MAPK10: variants seen among roughly 807,000 people sequenced by gnomAD.
MAPK10 encodes the protein mitogen-activated protein kinase 10.
Under a neutral mutation model 59.3 loss-of-function variants are expected in MAPK10, and 25 were observed. That is an observed-to-expected ratio of 0.42 (90% CI 0.31 to 0.59). The LOEUF (loss-of-function observed/expected upper bound fraction) is 0.59, where lower values mean the gene tolerates loss of function less well. MAPK10 is among the 20% of genes least tolerant of loss of function. The probability of loss-of-function intolerance (pLI) is 0.15; values close to 1 mark genes in which losing one functional copy is unlikely to be tolerated. For missense variants in MAPK10, 351 were observed against 568.9 expected (o/e 0.62, Z 3.90); for synonymous variants, 190 against 200.5 (o/e 0.95, Z 0.44).
At chr4:86,473,045 A>G (rs192090720) in intron 1 of MAPK10, among the ~76,000 whole-genome samples, 30 of 152,338 alleles carry the variant, frequency 2.0e-4, no homozygotes, top group Non-Finnish European at 3.8e-4. Context: ...TCAAGACTCC[A>G]AGAACCTGGA....
At chr4:86,593,152 C>G (rs1763211445) in intron 1 of MAPK10, among the ~76,000 whole-genome samples, 1 of 152,120 alleles carries the variant, frequency 6.6e-6, no homozygotes, top group Non-Finnish European at 1.5e-5. Context: ...ACTATTAATT[C>G]CCTCATTCAT....
intron 1 of MAPK10, among the ~76,000 whole-genome samples, chr4:86,491,276 C>T (rs937375993): frequency 3.9e-5 from 6 of 152,174 alleles, no homozygotes; most frequent in Non-Finnish European, 5.9e-5. Context: ...GCAGGAAGGA[C>T]AGTGGCACTC....
chr4:86,025,855 A>G (rs374611483), intron 13 of MAPK10, among the ~76,000 whole-genome samples: 1 of 152,276 alleles, frequency 6.6e-6, no homozygotes, highest in Non-Finnish European at 1.5e-5. Flanking sequence ...AAAGGCAATG[A>G]TTTTCCTGAT....
At chr4:86,480,014 C>T (rs1366090445) in intron 1 of MAPK10, among the ~76,000 whole-genome samples, 1 of 152,122 alleles carries the variant, frequency 6.6e-6, no homozygotes, top group Admixed American at 6.5e-5. Context: ...CACCCCAACA[C>T]TTCAACACTA....
intron 2 of MAPK10, among the ~76,000 whole-genome samples, chr4:86,255,044 A>C (rs2093645570): frequency 6.6e-6 from 1 of 152,118 alleles, no homozygotes; most frequent in Non-Finnish European, 1.5e-5. Context: ...TTGGGATTCT[A>C]TTTTCCAAAG....
chr4:86,275,995 A>G (rs2094564920), intron 2 of MAPK10, among the ~76,000 whole-genome samples: 1 of 152,132 alleles, frequency 6.6e-6, no homozygotes, highest in East Asian at 1.9e-4. Context: ...TTATATTAAT[A>G]CTAGAATCCA....
chr4:86,236,785 G>A (rs1337336734), intron 2 of MAPK10, among the ~76,000 whole-genome samples: 7 of 152,136 alleles, frequency 4.6e-5, no homozygotes, highest in Non-Finnish European at 1.0e-4. Flanking sequence ...AGGGAAGAAG[G>A]TGAATGATGA....
chr4:86,064,320 G>A lies in MAPK10; in HGVS notation c.1056C>T (p.Asp352=), dbSNP rs759319591. 1.2e-5 allele frequency: 19 copies of A among 1,614,122 alleles called. No individual in the cohort carries two copies. The highest frequency in any genetic ancestry group is 6.7e-5 in the Admixed American group (4 of 60,032). The part of the protein sequence containing the change: ...IDPAKRISVD[D]ALQHPYINVW... The stretch of plus-strand genomic sequence containing the variant: ...CGTTGATGTAGGGATGCTGTAAGGC[G>A]TCGTCCACTGATATTCTTTTTGCTG... Residue 352 remains aspartate (D), a synonymous_variant, in exon 11 of 14, where the codon GAC becomes GAT. Transcript: ENST00000641462.
At chr4:86,206,687 C>G (rs2084104412) in intron 2 of MAPK10, among the ~76,000 whole-genome samples, 2 of 152,290 alleles carry the variant, frequency 1.3e-5, no homozygotes, top group Non-Finnish European at 2.9e-5. Context: ...TCCTATTTCT[C>G]TACATCCTCT....
rs115741957 is a variant in MAPK10, at chr4:86,521,808, G to A, written c.-263+72102C>T. 5.6e-4 allele frequency among the ~76,000 whole-genome samples: 85 copies of A among 152,040 alleles called. 1 individual carries two copies. The highest frequency in any genetic ancestry group is 1.9e-3 in the African/African-American group (78 of 41,490). On this transcript the variant is annotated intron_variant, in intron 1 of 4. Transcript: ENST00000502302. ...CAGCTGTGGCTTGTATACTTGTATC[G>A]GCACTTCCCATTCACCATCCCCCTA...
At chr4:86,583,427 A>C (rs1362206674) in intron 1 of MAPK10, among the ~76,000 whole-genome samples, 2 of 152,128 alleles carry the variant, frequency 1.3e-5, no homozygotes, top group African/African-American at 4.8e-5. Context: ...TGGTCATAAG[A>C]CATAATTCCG....
At chr4:86,192,360 G>C (rs1184187051) in intron 3 of MAPK10, 1 of 152,148 alleles carries the variant, frequency 6.6e-6, no homozygotes, top group East Asian at 1.9e-4. Flanking sequence ...ATATCCTAAA[G>C]AGTGTTTTTC....
chr4:86,091,958 C>T (rs2053301547), intron 9 of MAPK10, among the ~76,000 whole-genome samples: 1 of 152,100 alleles, frequency 6.6e-6, no homozygotes, highest in South Asian at 2.1e-4. Flanking sequence ...AGGCATGAGA[C>T]ACCATGCCTG....
intron 4 of MAPK10, among the ~76,000 whole-genome samples, chr4:86,149,061 A>G (rs1434490754): frequency 1.3e-5 from 2 of 152,272 alleles, no homozygotes; most frequent in East Asian, 1.9e-4. Flanking sequence ...TATTCATGAC[A>G]TATGTGCTAG....
At chr4:86,099,523 A>G (rs998863247) in intron 8 of MAPK10, 1 of 152,336 alleles carries the variant, frequency 6.6e-6, no homozygotes, top group Middle Eastern at 3.4e-3. Context: ...GGCATGCCTG[A>G]TGTGGGAGCA....
chr4:86,151,195 A>G (rs1397021099), intron 4 of MAPK10, among the ~76,000 whole-genome samples: 2 of 152,144 alleles, frequency 1.3e-5, no homozygotes, highest in Admixed American at 6.5e-5. Context: ...GATGACAAAG[A>G]GTTAGGAGAT....
intron 11 of MAPK10, among the ~76,000 whole-genome samples, chr4:86,039,538 T>A (rs371280718): frequency 1.3e-5 from 2 of 152,084 alleles, no homozygotes; most frequent in East Asian, 3.9e-4. Flanking sequence ...AGCCTTAGAC[T>A]CAAGGTCTAT....
chr4:86,442,291 TTTA>T (rs1282182950), intron 1 of MAPK10, among the ~76,000 whole-genome samples: 2 of 152,216 alleles, frequency 1.3e-5, no homozygotes, highest in Non-Finnish European at 2.9e-5. Context: ...TCATAGTAAT[TTTA>T]TTTACATTCT....
chr4:86,366,988 A>C (rs1298927236), intron 1 of MAPK10, among the ~76,000 whole-genome samples: 2 of 152,206 alleles, frequency 1.3e-5, no homozygotes, highest in Non-Finnish European at 2.9e-5. Context: ...GAAGCTGGCC[A>C]TCCTATCCTA....
Sources: allele counts gnomAD v4.1 joint callset (sites outside exome capture counted in the v4.1 genomes callset), GRCh38; gene constraint gnomAD v4.1.1; transcripts MANE v1.5; gene names NCBI Gene and HGNC (gene_info 2026-07-23, HGNC 2026-07-21).